Variants in MDFIC observed in about 807,000 individuals in gnomAD.
MDFIC encodes the protein myoD family inhibitor domain-containing protein.
Under a neutral mutation model 23.2 loss-of-function variants are expected in MDFIC, and 17 were observed. The observed-to-expected ratio is 0.73, with a 90% confidence interval of 0.50 to 1.10. The LOEUF is 1.10. Ranked by LOEUF, MDFIC falls within the 50% of genes least tolerant of loss-of-function variation. MDFIC has a pLI of 0.00. For missense variants in MDFIC, 356 were observed against 316.6 expected (o/e 1.12, Z -0.95); for synonymous variants, 120 against 115.2 (o/e 1.04, Z -0.27).
At chr7:114,972,474 G>A (rs571449595) in intron 3 of MDFIC, among the ~76,000 whole-genome samples, 1 of 152,204 alleles carries the variant, frequency 6.6e-6, no homozygotes, top group Non-Finnish European at 1.5e-5. Context: ...GTCATGATTA[G>A]GATGGAAATT....
chr7:114,991,314 A>C (rs907561573), intron 4 of MDFIC, among the ~76,000 whole-genome samples: 10 of 152,000 alleles, frequency 6.6e-5, no homozygotes, highest in African/African-American at 2.2e-4. Flanking sequence ...GTTCACTCTG[A>C]TGGTAGTTTC....
chr7:114,958,808 C>T (rs1344620523), intron 3 of MDFIC, among the ~76,000 whole-genome samples: 1 of 152,080 alleles, frequency 6.6e-6, no homozygotes, highest in East Asian at 1.9e-4. Context: ...ATGATTTTCC[C>T]TAAAATATGC....
chr7:114,979,409 A>G, intron 3 of MDFIC, 97 bp from the exon 4 acceptor site: 2 of 1,298,474 alleles, frequency 1.5e-6, no homozygotes, highest in Non-Finnish European at 2.1e-6. Flanking sequence ...TATTATGGGT[A>G]AAACCCCAAA....
chr7:114,942,332 TCACA>T lies in MDFIC; in HGVS notation c.155_158del (p.Thr52MetfsTer41). ...ATAACTCAAGCTACCAATAGCCACT[TCACA>T]CATGGAGAGATGCAAGACCAGTCCA... On this transcript the variant is annotated frameshift_variant, in exon 3 of 5. Coordinates refer to ENST00000393486, the MANE Select transcript of MDFIC (RefSeq NM_001166345.3). LOFTEE classifies it high-confidence loss of function. The T allele has an allele frequency of 1.2e-6, 2 of 1,603,052 alleles. No individual in the cohort carries two copies. Among genetic ancestry groups the T allele is most frequent in the Non-Finnish European group, 1.7e-6 (2 of 1,171,608 alleles).
chr7:114,939,655 A>G (rs1792499667), intron 2 of MDFIC, among the ~76,000 whole-genome samples: 1 of 152,254 alleles, frequency 6.6e-6, no homozygotes, highest in African/African-American at 2.4e-5. Flanking sequence ...CATTTATTCA[A>G]TGGAGAGTTG....
chr7:114,942,746 A>G (rs1438681370), intron 3 of MDFIC, among the ~76,000 whole-genome samples: 1 of 152,232 alleles, frequency 6.6e-6, no homozygotes, highest in Admixed American at 6.5e-5. Flanking sequence ...CTAAAAGATT[A>G]ATGCTACTAT....
intron 2 of MDFIC, among the ~76,000 whole-genome samples, chr7:114,931,723 A>G (rs1030638298): frequency 6.6e-6 from 1 of 152,208 alleles, no homozygotes; most frequent in Non-Finnish European, 1.5e-5. Flanking sequence ...TTGAGAGAGG[A>G]TTTCAGGATG....
chr7:115,019,427 C>G lies in MDFIC; in HGVS notation c.*3492C>G, dbSNP rs1037370768. Among the ~76,000 whole-genome samples, 1 of 152,044 alleles carries G rather than the reference C, an allele frequency of 6.6e-6. No homozygotes were observed. Among genetic ancestry groups the G allele is most frequent in the African/African-American group, 2.4e-5 (1 of 41,422 alleles). On this transcript the variant is annotated 3_prime_UTR_variant, in exon 5 of 5. Coordinates refer to ENST00000393486, the MANE Select transcript of MDFIC (RefSeq NM_001166345.3). The stretch of plus-strand genomic sequence containing the variant: ...CAACCTTATGTAATAACTTTCCATT[C>G]TTTATCCATACAAACTCTTTCAGTG...
intron 3 of MDFIC, among the ~76,000 whole-genome samples, chr7:114,961,516 T>C (rs1054550963): frequency 2.0e-5 from 3 of 152,144 alleles, no homozygotes; most frequent in African/African-American, 7.2e-5. Context: ...ATACTCCTTA[T>C]ATGAGTCCAT....
chr7:115,011,314 C>A (rs934737212), intron 4 of MDFIC, among the ~76,000 whole-genome samples: 1 of 152,178 alleles, frequency 6.6e-6, no homozygotes, highest in Non-Finnish European at 1.5e-5. Context: ...TTTATAAAGA[C>A]CTTACAAGAG....
intron 2 of MDFIC, chr7:114,923,536 G>T (rs1329302931): frequency 6.5e-6 from 10 of 1,537,070 alleles, no homozygotes; most frequent in South Asian, 1.2e-5. Context: ...TCTGTTTCTT[G>T]TTGGCTCCTC....
chr7:114,922,338 G>A lies in MDFIC; in HGVS notation c.-406G>A. The A allele has an allele frequency of 9.1e-7, 1 of 1,103,908 alleles. No homozygotes were observed. The highest frequency in any genetic ancestry group is 1.1e-6 in the Non-Finnish European group (1 of 871,190). The allele number at this position is 1,103,908 out of a possible 1,614,324, so 68.4% of individuals were successfully genotyped here. On this transcript the variant is annotated 5_prime_UTR_variant, in exon 1 of 5. Transcript: ENST00000393486. ...TTTCAGGATTGTAGGAGTGGAAGAG[G>A]GGAAAGAGAGGCAGAGAGGGGGAAG...
chr7:114,968,382 T>C (rs17137482), intron 3 of MDFIC, among the ~76,000 whole-genome samples: 3,559 of 152,302 alleles, frequency 0.023, 137 homozygotes, highest in African/African-American at 0.081. Flanking sequence ...AAATTTCCAT[T>C]GTGTTTAAGC....
intron 1 of MDFIC, 92 bp from the exon 2 acceptor site, chr7:114,922,835 A>C: frequency 1.4e-6 from 2 of 1,392,350 alleles, no homozygotes; most frequent in Non-Finnish European, 1.9e-6. Context: ...AGTTTGAGGG[A>C]GGGAAGTGGA....
At chr7:115,007,898 C>A (rs1791604920) in intron 4 of MDFIC, among the ~76,000 whole-genome samples, 1 of 123,106 alleles carries the variant, frequency 8.1e-6, no homozygotes, top group African/African-American at 3.1e-5. Context: ...AGAGTTTTGT[C>A]ATGTTGCCCA....
intron 3 of MDFIC, among the ~76,000 whole-genome samples, chr7:114,962,769 C>G (rs1365182107): frequency 6.6e-6 from 1 of 152,276 alleles, no homozygotes; most frequent in East Asian, 1.9e-4. Context: ...AAGTTAGATA[C>G]AAATCAGAGT....
chr7:115,010,331 T>C (rs938546017), intron 4 of MDFIC, among the ~76,000 whole-genome samples: 5 of 151,960 alleles, frequency 3.3e-5, no homozygotes, highest in Admixed American at 3.3e-4. Context: ...AGTCAAACTA[T>C]GACTTAGAAA....
At chr7:114,985,842 G>C (rs2115995784) in intron 4 of MDFIC, among the ~76,000 whole-genome samples, 1 of 151,114 alleles carries the variant, frequency 6.6e-6, no homozygotes, top group Non-Finnish European at 1.5e-5. Context: ...ATATCACACA[G>C]GTCTATATGA....
intron 4 of MDFIC, among the ~76,000 whole-genome samples, chr7:114,998,876 A>AAAGG (rs1331813597): frequency 6.6e-6 from 1 of 152,214 alleles, no homozygotes; most frequent in Non-Finnish European, 1.5e-5. Context: ...GAATAGGAAC[A>AAAGG]AAAGGGTACC....
Sources: allele counts gnomAD v4.1 joint callset (sites outside exome capture counted in the v4.1 genomes callset), GRCh38; gene constraint gnomAD v4.1.1; transcripts MANE v1.5; gene names NCBI Gene and HGNC (gene_info 2026-07-23, HGNC 2026-07-21).